TLN2: variants seen among roughly 807,000 people sequenced by gnomAD.
TLN2 encodes talin 2.
In TLN2, 118 loss-of-function variants were observed where a neutral mutation model predicts 294.7. The ratio of observed to expected loss-of-function variants is 0.40; its 90% confidence interval spans 0.34 to 0.47. The LOEUF is 0.47. Among genes scored for constraint, TLN2 ranks in the 20% least tolerant of loss-of-function variants. The pLI is 0.84. For missense variants in TLN2, 3,083 were observed against 3,282.2 expected (o/e 0.94, Z 1.48); for synonymous variants, 1,431 against 1,304.5 (o/e 1.10, Z -2.09).
At chr15:62,445,214 T>C (rs2035753001) in intron 1 of TLN2, among the ~76,000 whole-genome samples, 2 of 152,170 alleles carry the variant, frequency 1.3e-5, no homozygotes, top group East Asian at 3.8e-4. Flanking sequence ...TTCAGAGCAG[T>C]CGTTCTTATC....
intron 21 of TLN2, among the ~76,000 whole-genome samples, chr15:62,710,309 G>C (rs953769630): frequency 6.6e-6 from 1 of 152,078 alleles, no homozygotes; most frequent in Non-Finnish European, 1.5e-5. Flanking sequence ...CTCCAGAAAG[G>C]ACCCACAATT....
At chr15:62,684,605 G>A (rs2057132414) in intron 11 of TLN2, among the ~76,000 whole-genome samples, 1 of 152,108 alleles carries the variant, frequency 6.6e-6, no homozygotes, top group Non-Finnish European at 1.5e-5. Context: ...GTCACCATCT[G>A]AGGGTTACCA....
At chr15:62,696,178 G>A (rs8043325) in intron 14 of TLN2, among the ~76,000 whole-genome samples, 10,743 of 152,152 alleles carry the variant, frequency 0.071, 663 homozygotes, top group African/African-American at 0.16. Flanking sequence ...GGATCCCCGC[G>A]TGGCTATCGA....
Position 62,688,937 on chromosome 15 carries a change from T to C in TLN2, c.1113+2141T>C, listed in dbSNP as rs547965088. 1.5e-4 allele frequency among the ~76,000 whole-genome samples: 23 copies of C among 152,260 alleles called. 1 individual carries two copies. The highest frequency in any genetic ancestry group is 5.5e-4 in the African/African-American group (23 of 41,558). On this transcript the variant is annotated intron_variant, in intron 12 of 58. Coordinates refer to ENST00000636159, the MANE Select transcript of TLN2 (RefSeq NM_015059.3). ...GTAGAGAGCATAATTAGTTGGGTTA[T>C]ATTTTTTTAATCCATTCTATCTCAG...
At chr15:62,506,089 C>T (rs181850950) in intron 1 of TLN2, among the ~76,000 whole-genome samples, 6 of 152,324 alleles carry the variant, frequency 3.9e-5, no homozygotes, top group Non-Finnish European at 1.5e-5. Flanking sequence ...CGAATGGAGC[C>T]TATATTCTGG....
At chr15:62,727,299 G>A in intron 28 of TLN2, 110 bp downstream of exon 28, 1 of 929,308 alleles carries the variant, frequency 1.1e-6, no homozygotes, top group African/African-American at 1.7e-5. Flanking sequence ...TTTTCTCCCA[G>A]CAGTTCACCG....
In TLN2 at chr15:62,843,282, G is replaced by A. The variant is rs1053893075; in HGVS notation, c.*2672G>A. On this transcript the variant is annotated 3_prime_UTR_variant, in exon 59 of 59. Coordinates refer to ENST00000636159, the MANE Select transcript of TLN2 (RefSeq NM_015059.3). ...AAATTGCTGTTCCCGATGGCCAAAAGGGGAACCTGAACTGGATTTCAGAAC... is the reference window on the plus strand; with the variant it reads ...AAATTGCTGTTCCCGATGGCCAAAAAGGGAACCTGAACTGGATTTCAGAAC... 6.6e-6 allele frequency: 1 copy of A among 152,248 alleles called. No individual in the cohort carries two copies. Among genetic ancestry groups the A allele is most frequent in the African/African-American group, 2.4e-5 (1 of 41,466 alleles). The allele number at this position is 152,248 out of a possible 1,614,324, so 9.4% of individuals were successfully genotyped here.
chr15:62,825,846 A>AAAT (rs2068120701), intron 54 of TLN2, among the ~76,000 whole-genome samples: 1 of 80,486 alleles, frequency 1.2e-5, no homozygotes, highest in Non-Finnish European at 2.0e-5. Flanking sequence ...AATATATATA[A>AAAT]ATATATTATA....
chr15:62,491,047 C>T (rs575054095), intron 1 of TLN2, among the ~76,000 whole-genome samples: 4 of 152,202 alleles, frequency 2.6e-5, no homozygotes, highest in Non-Finnish European at 4.4e-5. Context: ...GATGGTCAGG[C>T]GTGGTGGCTC....
chr15:62,786,540 T>C (rs2064674167), intron 45 of TLN2, among the ~76,000 whole-genome samples: 1 of 152,230 alleles, frequency 6.6e-6, no homozygotes, highest in South Asian at 2.1e-4. Context: ...CTCGAGATCC[T>C]ATGAGCCACA....
rs756485370 is a variant in TLN2, at chr15:62,819,619, A to T, written c.6875A>T (p.Lys2292Ile). The T allele has an allele frequency of 1.9e-6, 3 of 1,609,344 alleles. No homozygotes were observed. The highest frequency in any genetic ancestry group is 2.5e-6 in the Non-Finnish European group (3 of 1,179,928). ...TELIQAAEAM[K>I]GTEWVDPEDP... ...CTCATCCAGGCGGCGGAAGCCATGAAAGGTAGGCTGGATTCTCACGTCTTG... is the reference window on the plus strand; with the variant it reads ...CTCATCCAGGCGGCGGAAGCCATGATAGGTAGGCTGGATTCTCACGTCTTG... The change falls in exon 53 of 59, where the codon AAA (lysine) becomes ATA (isoleucine). Residue 2292 changes from lysine (K) to isoleucine (I), a missense_variant and splice_region_variant. Physicochemically the swap from Lys to Ile is moderately radical, Grantham distance 102. Coordinates refer to ENST00000636159, the MANE Select transcript of TLN2 (RefSeq NM_015059.3).
At chr15:62,467,332 A>C (rs955826108) in intron 1 of TLN2, among the ~76,000 whole-genome samples, 2 of 152,188 alleles carry the variant, frequency 1.3e-5, no homozygotes, top group Non-Finnish European at 2.9e-5. Flanking sequence ...GGATTTGTGA[A>C]ACCACAGGAT....
intron 1 of TLN2, among the ~76,000 whole-genome samples, chr15:62,537,687 G>GGTTATCTGAGAGGTTATC (rs1486543488): frequency 2.0e-5 from 3 of 152,176 alleles, no homozygotes; most frequent in Admixed American, 1.3e-4. Flanking sequence ...TATCTGAGAG[G>GGTTATCTGAGAGGTTATC]TGGAATGATG....
chr15:62,811,528 A>G (rs2066678328), intron 52 of TLN2, among the ~76,000 whole-genome samples: 1 of 152,212 alleles, frequency 6.6e-6, no homozygotes, highest in Non-Finnish European at 1.5e-5. Context: ...TAAAAATTGG[A>G]CAATAGGGTG....
intron 1 of TLN2, among the ~76,000 whole-genome samples, chr15:62,564,802 G>A (rs1220792000): frequency 6.6e-6 from 1 of 151,358 alleles, no homozygotes; most frequent in African/African-American, 2.4e-5. Flanking sequence ...AGCTACTGGG[G>A]AAGCTGAGGC....
chr15:62,562,072 G>A (rs2043011709), intron 1 of TLN2, among the ~76,000 whole-genome samples: 1 of 151,884 alleles, frequency 6.6e-6, no homozygotes, highest in African/African-American at 2.4e-5. Flanking sequence ...CTTCAAATTC[G>A]CGATACCTGG....
intron 22 of TLN2, among the ~76,000 whole-genome samples, chr15:62,716,030 T>C (rs1374085006): frequency 6.6e-6 from 1 of 152,216 alleles, no homozygotes; most frequent in Non-Finnish European, 1.5e-5. Flanking sequence ...GATTTAATCT[T>C]CCCATCTTTT....
chr15:62,607,693 AC>A (rs1245636348), intron 2 of TLN2, among the ~76,000 whole-genome samples: 1 of 151,732 alleles, frequency 6.6e-6, no homozygotes, highest in Non-Finnish European at 1.5e-5. Context: ...GGTTTATTTG[AC>A]CCCTGTGTGG....
chr15:62,446,274 C>G (rs761145026), intron 1 of TLN2, among the ~76,000 whole-genome samples: 10 of 152,178 alleles, frequency 6.6e-5, no homozygotes, highest in Non-Finnish European at 1.0e-4. Context: ...ATCACAGGTG[C>G]GAGCCACCGC....
Sources: allele counts gnomAD v4.1 joint callset (sites outside exome capture counted in the v4.1 genomes callset), GRCh38; gene constraint gnomAD v4.1.1; transcripts MANE v1.5; gene names NCBI Gene and HGNC (gene_info 2026-07-23, HGNC 2026-07-21).